TP53BP2: variants seen among roughly 807,000 people sequenced by gnomAD.
TP53BP2 encodes tumor protein p53 binding protein 2, also known as apoptosis-stimulating of p53 protein 2.
TP53BP2 carries 62 observed loss-of-function variants against 126.2 expected under a neutral mutation model. The ratio of observed to expected loss-of-function variants is 0.49; its 90% CI spans 0.40 to 0.61. The LOEUF is 0.61. Among genes scored for constraint, TP53BP2 ranks in the 20% least tolerant of loss-of-function variants. The pLI, the probability that TP53BP2 is intolerant of heterozygous loss-of-function variation, is 0.00. For synonymous variants in TP53BP2, 485 were observed against 502.9 expected (o/e 0.96, Z 0.48); for missense variants, 1,215 against 1,402.8 (o/e 0.87, Z 2.14).
At chr1:223,817,188 A>G (rs1459440025) in intron 2 of TP53BP2, among the ~76,000 whole-genome samples, 1 of 143,724 alleles carries the variant, frequency 7.0e-6, no homozygotes, top group African/African-American at 2.6e-5. Context: ...ATTTCACATC[A>G]ATTACTGCAT....
chr1:223,832,821 CCTAG>C (rs1663787577), intron 1 of TP53BP2, among the ~76,000 whole-genome samples: 1 of 152,162 alleles, frequency 6.6e-6, no homozygotes, highest in Non-Finnish European at 1.5e-5. Flanking sequence ...CATGCTGCAC[CCTAG>C]CTGTGAGCTA....
chr1:223,798,729 AG>A (rs764123698), intron 11 of TP53BP2, 52 bp from the exon 12 acceptor site: 1 of 1,385,630 alleles, frequency 7.2e-7, no homozygotes, highest in Non-Finnish European at 9.9e-7. Context: ...CTGGGTACAC[AG>A]GATGTTCTAG....
At chr1:223,803,221 T>C in intron 7 of TP53BP2, 50 bp downstream of exon 7, 1 of 1,548,120 alleles carries the variant, frequency 6.5e-7, no homozygotes, top group Non-Finnish European at 8.7e-7. Context: ...TGAGCAACTC[T>C]GTTTCTGGAA....
chr1:223,831,089 C>T (rs964781334), intron 1 of TP53BP2, among the ~76,000 whole-genome samples: 32 of 136,074 alleles, frequency 2.4e-4, no homozygotes, highest in Admixed American at 5.7e-4. Context: ...GAGAGTGAGA[C>T]TCTTTCTCAA....
At chr1:223,844,504 T>C (rs982667838) in intron 1 of TP53BP2, among the ~76,000 whole-genome samples, 1 of 152,190 alleles carries the variant, frequency 6.6e-6, no homozygotes, top group African/African-American at 2.4e-5. Context: ...TATTTCAATA[T>C]TGGGTATTCA....
chr1:223,832,354 C>T (rs1002526432), intron 1 of TP53BP2, among the ~76,000 whole-genome samples: 1 of 152,168 alleles, frequency 6.6e-6, no homozygotes, highest in Non-Finnish European at 1.5e-5. Context: ...ACAGGAATAG[C>T]CAGGCGATTA....
intron 4 of TP53BP2, among the ~76,000 whole-genome samples, chr1:223,809,536 CA>C (rs1362324859): frequency 2.6e-5 from 4 of 152,028 alleles, no homozygotes; most frequent in African/African-American, 9.7e-5. Flanking sequence ...CACTGCACTC[CA>C]GCCTGGGCAA....
At chr1:223,814,455 C>T in intron 2 of TP53BP2, 102 bp from the exon 3 acceptor site, 1 of 831,610 alleles carries the variant, frequency 1.2e-6, no homozygotes, top group Non-Finnish European at 1.9e-6. Context: ...ATGGATACAA[C>T]AAATGCTTAG....
chr1:223,796,593 A>C lies in TP53BP2; in HGVS notation c.1949-3T>G, dbSNP rs1662333574. ...AGCAATTACAGGCTTACCATATACT[A>C]ATTGGAAAAGGAAAAAAAAAAGCCC... is the stretch of plus-strand genomic sequence containing the variant. On this transcript the variant is annotated splice_polypyrimidine_tract_variant and splice_region_variant and intron_variant, in intron 12 of 17. Transcript: ENST00000343537. The surrounding 1 kb of genome is among the most constrained non-coding windows in gnomAD (Gnocchi z 4.2). 1.3e-6 allele frequency: 2 copies of C among 1,545,260 alleles called. No individual in the cohort carries two copies. Among genetic ancestry groups the C allele is most frequent in the Non-Finnish European group, 1.7e-6 (2 of 1,153,778 alleles).
intron 5 of TP53BP2, among the ~76,000 whole-genome samples, chr1:223,805,472 A>G (rs1316305773): frequency 6.6e-6 from 1 of 152,210 alleles, no homozygotes; most frequent in Non-Finnish European, 1.5e-5. Context: ...TCCCCAGGTG[A>G]TTCATATGTA....
chr1:223,802,580 C>T lies in TP53BP2; in HGVS notation c.996+151G>A. ...GTAATAACATTAAAAAGTAAAAAAG[C>T]AGCGGATTGTCTTTTAAGGATCCAT... On this transcript the variant is annotated intron_variant, in intron 8 of 17. Transcript: ENST00000343537. 4 of 1,027,186 alleles carry T rather than the reference C, an allele frequency of 3.9e-6. No individual in the cohort carries two copies. In the East Asian group the frequency reaches 9.6e-5, roughly 25 times the overall value. The allele number at this position is 1,027,186 out of a possible 1,614,324, so 63.6% of individuals were successfully genotyped here.
At chr1:223,806,717 G>A in intron 5 of TP53BP2, 129 bp downstream of exon 5, 1 of 645,280 alleles carries the variant, frequency 1.5e-6, no homozygotes, top group African/African-American at 1.9e-5. Context: ...CCAGCTACTT[G>A]AGAGGCTGAG....
In TP53BP2 at chr1:223,796,564, C is replaced by A; in HGVS notation, c.1975G>T (p.Ala659Ser). Residue 659 changes from alanine to serine, a missense_variant, in exon 13 of 18, where the codon GCC becomes TCC. Around this residue, in one of 4 missense-constraint regions of TP53BP2, gnomAD observed 814 missense variants for 853.0 expected, o/e 0.95. Transcript: ENST00000343537. This position sits in a 1 kb window ranked among gnomAD's most constrained non-coding sequence, Gnocchi z 4.2. ...TCTGGGTGCTGCTGTTGATTCTGGGCAGCAGCAATTACAGGCTTACCATAT... is the reference window on the plus strand; with the variant it reads ...TCTGGGTGCTGCTGTTGATTCTGGGAAGCAGCAATTACAGGCTTACCATAT... ...SVYGKPVIAA[A>S]QNQQQHPENI... 1 of 1,610,278 alleles carries A rather than the reference C, an allele frequency of 6.2e-7. No homozygotes were observed.
Position 223,814,329 on chromosome 1 carries a change from C to T in TP53BP2, c.200G>A (p.Arg67Gln), listed in dbSNP as rs180972416. 6 of 1,613,422 alleles carry T rather than the reference C, an allele frequency of 3.7e-6. No homozygotes were observed. The highest frequency in any genetic ancestry group is 2.7e-5 in the African/African-American group (2 of 74,942). ...GSERPVADNE[R>Q]MFDVLQRFGS... is the part of the protein sequence containing the mutation. ...AAATCGTTGAAGAACATCAAACATT[C>T]GCTCATTATCCGCAACTGGACGTTC... The change falls in exon 3 of 18, where the codon CGA (arginine) becomes CAA (glutamine). Residue 67 changes from arginine (R) to glutamine (Q), a missense_variant. Arg to Gln is a conservative substitution (Grantham distance 43). Coordinates refer to ENST00000343537, the MANE Select transcript of TP53BP2 (RefSeq NM_001031685.3).
intron 15 of TP53BP2, among the ~76,000 whole-genome samples, chr1:223,790,370 A>C (rs1203531844): frequency 6.6e-5 from 10 of 151,966 alleles, no homozygotes; most frequent in Non-Finnish European, 1.5e-4. Context: ...CAGCCTGGGC[A>C]ACACAGCAAA....
chr1:223,806,933 C>T lies in TP53BP2; in HGVS notation c.387G>A (p.Arg129=), dbSNP rs1478414374. 1.2e-6 allele frequency: 2 copies of T among 1,613,098 alleles called. No homozygotes were observed. Among genetic ancestry groups the T allele is most frequent in the African/African-American group, 2.7e-5 (2 of 74,978 alleles). Residue 129 remains arginine (R), a synonymous_variant, in exon 5 of 18, where the codon AGG becomes AGA. Coordinates refer to ENST00000343537, the MANE Select transcript of TP53BP2 (RefSeq NM_001031685.3). ...GAAGTTCAGCAAGAGTCAGATCCAT[C>T]CTAGGACTATTAACCTACAAGTAAA... The part of the protein sequence containing the change: ...RRKENGVNSP[R]MDLTLAELQE...
intron 1 of TP53BP2, among the ~76,000 whole-genome samples, chr1:223,838,051 T>C (rs1025033233): frequency 1.4e-4 from 21 of 152,228 alleles, no homozygotes; most frequent in Admixed American, 1.2e-3. Flanking sequence ...CTCCTTCTTG[T>C]CATTCAGGTC....
chr1:223,815,369 C>T (rs1360817180), intron 2 of TP53BP2, among the ~76,000 whole-genome samples: 1 of 152,098 alleles, frequency 6.6e-6, no homozygotes, highest in African/African-American at 2.4e-5. Context: ...TTTTATAAAC[C>T]ACACATATTC....
chr1:223,799,829 C>A, intron 11 of TP53BP2, 70 bp downstream of exon 11: 2 of 1,417,304 alleles, frequency 1.4e-6, no homozygotes, highest in African/African-American at 1.4e-5. Context: ...TCACACAATA[C>A]TTTATCCCTT....
Sources: gnomAD v4.1 joint callset for allele counts (sites outside exome capture counted in the v4.1 genomes callset) on GRCh38, gnomAD v4.1.1 for gene constraint, gnomAD v4.1.1 regional missense constraint, Gnocchi (gnomAD v3.1) non-coding constraint, MANE v1.5 for transcripts, NCBI Gene and HGNC (gene_info 2026-07-23, HGNC 2026-07-21) for gene names.